Variants in CCDC13 observed in about 807,000 individuals in gnomAD.
CCDC13 encodes coiled-coil domain containing 13.
Under a neutral mutation model 87.3 loss-of-function variants are expected in CCDC13, and 70 were observed. That is an observed-to-expected ratio of 0.80 (90% confidence interval 0.66 to 0.98). The LOEUF (loss-of-function observed/expected upper bound fraction) is 0.98, where lower values mean the gene tolerates loss of function less well. CCDC13 is among the 50% of genes least tolerant of loss of function. The pLI, the probability that CCDC13 is intolerant of heterozygous loss-of-function variation, is 0.00. For synonymous variants in CCDC13, 317 were observed against 360.3 expected (o/e 0.88, Z 1.36); for missense variants, 842 against 892.0 (o/e 0.94, Z 0.71).
At chr3:42,747,638 A>T (rs1040655039) in intron 5 of CCDC13, among the ~76,000 whole-genome samples, 1 of 152,282 alleles carries the variant, frequency 6.6e-6, no homozygotes, top group Non-Finnish European at 1.5e-5. Flanking sequence ...CTGGCAGCTT[A>T]ACTTTGGGAC....
chr3:42,745,822 T>C, intron 7 of CCDC13, 101 bp downstream of exon 7: 1 of 849,690 alleles, frequency 1.2e-6, no homozygotes, highest in Non-Finnish European at 1.9e-6. Flanking sequence ...AGGCCTTTTT[T>C]GGGTACTGTG....
intron 6 of CCDC13, chr3:42,747,033 G>T: frequency 1.6e-6 from 1 of 641,476 alleles, no homozygotes; most frequent in Non-Finnish European, 2.8e-6. Context: ...TGCTGCGGGG[G>T]TGGGGGTGGC....
chr3:42,713,043 A>G, intron 14 of CCDC13, 119 bp downstream of exon 14: 2 of 1,170,674 alleles, frequency 1.7e-6, no homozygotes, highest in Non-Finnish European at 2.4e-6. Context: ...CTCCACCCTG[A>G]TGGAAGCTCT....
At chr3:42,765,591 G>T (rs958446240) in intron 1 of CCDC13, among the ~76,000 whole-genome samples, 32 of 152,222 alleles carry the variant, frequency 2.1e-4, no homozygotes, top group Middle Eastern at 3.4e-3. Flanking sequence ...TATTTTTAAA[G>T]CTTCCCAGGT....
intron 13 of CCDC13, among the ~76,000 whole-genome samples, chr3:42,729,070 G>A (rs1439262684): frequency 6.6e-6 from 1 of 152,126 alleles, no homozygotes; most frequent in African/African-American, 2.4e-5. Flanking sequence ...ACATTATGTG[G>A]GGTAGAATTA....
chr3:42,751,269 T>C (rs770110484), intron 5 of CCDC13, among the ~76,000 whole-genome samples: 3 of 152,028 alleles, frequency 2.0e-5, no homozygotes, highest in Non-Finnish European at 4.4e-5. Flanking sequence ...TGTTAGACTC[T>C]GATGATATTT....
intron 2 of CCDC13, among the ~76,000 whole-genome samples, 192 bp from the exon 3 acceptor site, chr3:42,757,406 A>G (rs1575329236): frequency 6.6e-6 from 1 of 152,342 alleles, no homozygotes; most frequent in East Asian, 1.9e-4. Flanking sequence ...CATAATTCAT[A>G]TTTCTTTTAA....
chr3:42,732,025 T>C (rs577631782), intron 12 of CCDC13, among the ~76,000 whole-genome samples: 1 of 152,284 alleles, frequency 6.6e-6, no homozygotes, highest in South Asian at 2.1e-4. Context: ...TCCTGCTCTC[T>C]TTACTGTGAC....
intron 2 of CCDC13, 57 bp downstream of exon 2, chr3:42,758,068 C>T (rs1273274548): frequency 7.4e-6 from 7 of 949,254 alleles, no homozygotes; most frequent in Non-Finnish European, 1.0e-5. Flanking sequence ...GTGGTACACA[C>T]ACACACACAC....
rs563991173 is a variant in CCDC13, at chr3:42,773,226, T to A, written c.-57A>T. On this transcript the variant is annotated 5_prime_UTR_variant, in exon 1 of 16. Coordinates refer to ENST00000310232, the MANE Select transcript of CCDC13 (RefSeq NM_144719.4). ...CTAGGACCGCGGCGGCTAGGTCACC[T>A]CCTCCGGACGCCGACACGCGCTGCC... 15 of 152,244 alleles carry A rather than the reference T, an allele frequency of 9.9e-5. No individual in the cohort carries two copies. The highest frequency in any genetic ancestry group is 3.6e-4 in the African/African-American group (15 of 41,540). The allele number at this position is 152,244 out of a possible 1,614,324, so 9.4% of individuals were successfully genotyped here.
chr3:42,755,174 T>C (rs1699677929), intron 3 of CCDC13, among the ~76,000 whole-genome samples: 1 of 152,122 alleles, frequency 6.6e-6, no homozygotes, highest in African/African-American at 2.4e-5. Context: ...AGGTAATAAA[T>C]ATTTTGTAAT....
chr3:42,720,091 T>C (rs1267338492), intron 13 of CCDC13, among the ~76,000 whole-genome samples: 3 of 152,228 alleles, frequency 2.0e-5, no homozygotes, highest in Non-Finnish European at 4.4e-5. Flanking sequence ...TTGAAAATTG[T>C]TCAATTTACC....
intron 1 of CCDC13, among the ~76,000 whole-genome samples, chr3:42,764,170 G>C (rs1373332449): frequency 6.6e-6 from 1 of 152,196 alleles, no homozygotes; most frequent in Admixed American, 6.5e-5. Context: ...AGAATAGATT[G>C]TAAATGTTTC....
intron 3 of CCDC13, among the ~76,000 whole-genome samples, chr3:42,756,339 G>T (rs2125908247): frequency 6.6e-6 from 1 of 152,282 alleles, no homozygotes; most frequent in Non-Finnish European, 1.5e-5. Flanking sequence ...CAGAGCCAAT[G>T]TCCAGCTCAC....
intron 1 of CCDC13, among the ~76,000 whole-genome samples, chr3:42,768,088 CATAA>C (rs1329228072): frequency 8.6e-5 from 13 of 151,998 alleles, no homozygotes; most frequent in African/African-American, 3.1e-4. Flanking sequence ...AATAGATCCA[CATAA>C]ATAGAGTCAA....
intron 3 of CCDC13, 21 bp downstream of exon 3, chr3:42,757,045 T>C (rs1190781958): frequency 8.7e-6 from 14 of 1,610,828 alleles, no homozygotes; most frequent in Non-Finnish European, 1.1e-5. Context: ...GCAAGGACTA[T>C]CACAACAATG....
chr3:42,758,085 A>G (rs1559660785), intron 2 of CCDC13, 40 bp downstream of exon 2: 4 of 1,541,422 alleles, frequency 2.6e-6, no homozygotes, highest in Non-Finnish European at 3.6e-6. Context: ...ACACACACAC[A>G]CACACACACA....
rs750710030 is a variant in CCDC13 at position 42,709,080 on chromosome 3, C to T, written c.2048G>A (p.Arg683Gln). The change falls in exon 16 of 16, where the codon CGG (arginine) becomes CAG (glutamine). Residue 683 changes from arginine (R) to glutamine (Q), a missense_variant. Physicochemically the swap from Arg to Gln is conservative, Grantham distance 43. Coordinates refer to ENST00000310232, the MANE Select transcript of CCDC13 (RefSeq NM_144719.4). ...MLKAALGSAL[R>Q]GKEEDFRMYH... ...CATCCGGAAGTCCTCCTCCTTTCCC[C>T]GCAGGGCACTGCCCAGGGCAGCCTT... is the stretch of plus-strand genomic sequence containing the variant. 9.9e-6 allele frequency: 16 copies of T among 1,613,936 alleles called. No individual in the cohort carries two copies. The highest frequency in any genetic ancestry group is 6.7e-5 in the East Asian group (3 of 44,876).
At chr3:42,726,012 C>T (rs1472058999) in intron 13 of CCDC13, among the ~76,000 whole-genome samples, 1 of 152,072 alleles carries the variant, frequency 6.6e-6, no homozygotes, top group Non-Finnish European at 1.5e-5. Context: ...AGAACAAATG[C>T]TATAAGAAAG....
Sources: allele counts gnomAD v4.1 joint callset (sites outside exome capture counted in the v4.1 genomes callset), GRCh38; gene constraint gnomAD v4.1.1; transcripts MANE v1.5; gene names NCBI Gene and HGNC (gene_info 2026-07-23, HGNC 2026-07-21).